DVL1: variants seen among roughly 807,000 people sequenced by gnomAD.
DVL1 encodes the protein segment polarity protein dishevelled homolog DVL-1.
In DVL1, 49 loss-of-function variants were observed where a neutral mutation model predicts 65.0. The observed-to-expected ratio is 0.75, with a 90% CI of 0.60 to 0.96. DVL1 has a LOEUF of 0.96. Among genes scored for constraint, DVL1 ranks in the 40% least tolerant of loss-of-function variants. The pLI, the probability that DVL1 is intolerant of heterozygous loss-of-function variation, is 0.00. For synonymous variants in DVL1, 608 were observed against 433.9 expected (o/e 1.40, Z -4.99); for missense variants, 1,197 against 1,045.4 (o/e 1.15, Z -2.00).
intron 4 of DVL1, 51 bp downstream of exon 4, chr1:1,342,002 G>A: frequency 2.0e-6 from 3 of 1,500,944 alleles, no homozygotes; most frequent in Non-Finnish European, 2.7e-6. Context: ...TGGCTCATGG[G>A]GGTCCCAGGG....
In DVL1 at chr1:1,336,000, G is replaced by T; in HGVS notation, c.*142C>A. 8.6e-7 allele frequency: 1 copy of T among 1,157,260 alleles called. No individual in the cohort carries two copies. The highest frequency in any genetic ancestry group is 1.2e-6 in the Non-Finnish European group (1 of 834,784). The allele number at this position is 1,157,260 out of a possible 1,614,324, so 71.7% of individuals were successfully genotyped here. On this transcript the variant is annotated 3_prime_UTR_variant, in exon 15 of 15. Transcript: ENST00000378888. ...TGTCAGGAGCTGGAGCAGCCAGGCT[G>T]CCAGGGCAGATGGTGGTGGTCCAGC...
chr1:1,339,264 G>A (rs1326523781), intron 11 of DVL1, 23 bp downstream of exon 11: 17 of 1,548,126 alleles, frequency 1.1e-5, no homozygotes, highest in South Asian at 7.1e-5. Context: ...TTTCTGCTGG[G>A]GCCCTCAGGA....
At chr1:1,337,371 G>A (rs1643613295) in intron 14 of DVL1, among the ~76,000 whole-genome samples, 2 of 152,136 alleles carry the variant, frequency 1.3e-5, no homozygotes, top group African/African-American at 4.8e-5. Context: ...CAACACCTCA[G>A]GAACACTCTG....
rs307370 is a variant in DVL1 at position 1,337,898 on chromosome 1, A to G, written c.1714+79T>C. ...TGGAGCAGCAGCGGGGTGGGGTGGA[A>G]CTGGGGGCGGAGCAGCAGTGGAGTG... On this transcript the variant is annotated intron_variant, in intron 14 of 14. Coordinates refer to ENST00000378888, the MANE Select transcript of DVL1 (RefSeq NM_001330311.2). The G allele has an allele frequency of 0.78, 883,212 of 1,128,806 alleles. 349,870 individuals are homozygous for G. The highest frequency in any genetic ancestry group is 0.82 in the Non-Finnish European group (637,882 of 775,132). The allele number at this position is 1,128,806 out of a possible 1,614,324, so 69.9% of individuals were successfully genotyped here.
chr1:1,348,518 G>A (rs553825907), intron 1 of DVL1, among the ~76,000 whole-genome samples: 3 of 152,266 alleles, frequency 2.0e-5, no homozygotes, highest in South Asian at 4.1e-4. Flanking sequence ...CCCCATCCCA[G>A]CTAGGGAACC....
chr1:1,340,649 C>G, intron 5 of DVL1, 146 bp from the exon 6 acceptor site: 1 of 806,104 alleles, frequency 1.2e-6, no homozygotes, highest in Non-Finnish European at 2.0e-6. Context: ...CGCCCCAGGC[C>G]CTGCACACGT....
intron 1 of DVL1, among the ~76,000 whole-genome samples, chr1:1,346,795 C>T (rs1643920466): frequency 6.6e-6 from 1 of 152,172 alleles, no homozygotes; most frequent in African/African-American, 2.4e-5. Context: ...GCGTCCCCAG[C>T]CTGAAGCTCC....
chr1:1,343,725 T>G (rs1196313629), intron 1 of DVL1, among the ~76,000 whole-genome samples: 1 of 152,118 alleles, frequency 6.6e-6, no homozygotes, highest in Non-Finnish European at 1.5e-5. Context: ...CGGACGGACG[T>G]AGGTGGGCTG....
chr1:1,339,479 G>A, intron 10 of DVL1, 40 bp from the exon 11 acceptor site: 1 of 1,098,668 alleles, frequency 9.1e-7, no homozygotes, highest in Non-Finnish European at 1.3e-6. Flanking sequence ...CGGACAGATG[G>A]ACAGGGTGGG....
At chr1:1,337,796 G>A (rs1296892332) in intron 14 of DVL1, 181 bp downstream of exon 14, 2 of 715,468 alleles carry the variant, frequency 2.8e-6, no homozygotes, top group Non-Finnish European at 2.5e-6. Context: ...CAGGGCCCAA[G>A]TACACAGCAG....
chr1:1,340,085 C>T lies in DVL1; in HGVS notation c.862G>A (p.Ala288Thr). Reference protein sequence around the residue: ...IYIGSIMKGGAVAADGRIEPG... With the variant: ...IYIGSIMKGGTVAADGRIEPG... ...TCGATGCGGCCGTCAGCGGCCACAGCCCCGCCCTTCATGATGGAGCCAATG... is the reference window on the plus strand; with the variant it reads ...TCGATGCGGCCGTCAGCGGCCACAGTCCCGCCCTTCATGATGGAGCCAATG... Residue 288 changes from alanine to threonine, a missense_variant, in exon 8 of 15, where the codon GCT becomes ACT. Ala to Thr is a moderately conservative substitution (Grantham distance 58). Coordinates refer to ENST00000378888, the MANE Select transcript of DVL1 (RefSeq NM_001330311.2). 17 of 1,613,300 alleles carry T rather than the reference C, an allele frequency of 1.1e-5. 1 individual carries two copies. Among genetic ancestry groups the T allele is most frequent in the South Asian group, 2.2e-5 (2 of 91,084 alleles).
rs759091815 is a variant in DVL1 at position 1,339,585 on chromosome 1, G to A, written c.1051C>T (p.Arg351Trp). 64 of 1,604,470 alleles carry A rather than the reference G, an allele frequency of 4.0e-5. No homozygotes were observed. Among genetic ancestry groups the A allele is most frequent in the Non-Finnish European group, 5.2e-5 (61 of 1,175,094 alleles). Residue 351 changes from arginine to tryptophan, a missense_variant, in exon 10 of 15, where the codon CGG becomes TGG. Coordinates refer to ENST00000378888, the MANE Select transcript of DVL1 (RefSeq NM_001330311.2). ...GTGTGCCCCGAGGGCCACTCACCCC[G>A]TGGGACGGTGAAGTAGCTTCGGGGC... is the stretch of plus-strand genomic sequence containing the variant. Reference protein sequence around the residue: ...PTPRSYFTVPRADPVRPIDPA... With the variant: ...PTPRSYFTVPWADPVRPIDPA...
chr1:1,340,811 G>GCACACACCTGCA (rs200862897), intron 5 of DVL1, among the ~76,000 whole-genome samples: 8 of 141,044 alleles, frequency 5.7e-5, no homozygotes, highest in Admixed American at 1.4e-4. Context: ...AGGCACACAT[G>GCACACACCTGCA]CACACACCTG....
intron 1 of DVL1, among the ~76,000 whole-genome samples, chr1:1,348,331 G>A (rs925501347): frequency 6.6e-6 from 1 of 152,206 alleles, no homozygotes; most frequent in South Asian, 2.1e-4. Flanking sequence ...TGGGGACGGG[G>A]CCCACAGGAA....
intron 11 of DVL1, 118 bp from the exon 12 acceptor site, chr1:1,338,771 G>C: frequency 6.9e-7 from 1 of 1,444,106 alleles, no homozygotes; most frequent in Non-Finnish European, 9.1e-7. Context: ...GCTGGACGGT[G>C]CGTGACAGCA....
intron 5 of DVL1, among the ~76,000 whole-genome samples, chr1:1,340,809 ATGCACACACCTGCACACACACC>A (rs1444316343): frequency 7.8e-6 from 1 of 127,992 alleles, no homozygotes; most frequent in African/African-American, 3.1e-5. Flanking sequence ...CAAGGCACAC[ATGCACACACCTGCACACACACC>A]TGCACACACG....
intron 8 of DVL1, 34 bp from the exon 9 acceptor site, chr1:1,339,846 G>T (rs1467522951): frequency 6.6e-7 from 1 of 1,516,856 alleles, no homozygotes; most frequent in Non-Finnish European, 8.8e-7. Context: ...GTGCAGGCAG[G>T]ATGTGCAGCT....
In DVL1 at chr1:1,348,878, G is replaced by A. The variant is rs774298080; in HGVS notation, c.170+18C>T. 3 of 1,519,794 alleles carry A rather than the reference G, an allele frequency of 2.0e-6. No homozygotes were observed. The highest frequency in any genetic ancestry group is 2.7e-6 in the Non-Finnish European group (3 of 1,130,394). The allele number at this position is 1,519,794 out of a possible 1,614,324, so 94.1% of individuals were successfully genotyped here. On this transcript the variant is annotated intron_variant, in intron 1 of 14. Coordinates refer to ENST00000378888, the MANE Select transcript of DVL1 (RefSeq NM_001330311.2). ...CCGAGCCCGCGCCAGGCTCGCGCAG[G>A]CCTCGCGGCCGACTGACCCGAAGTC...
At position 1,342,378 on chromosome 1, in the gene DVL1, C is replaced by T. The variant is rs1375565508; in HGVS notation, c.347G>A (p.Arg116Gln). Reference sequence around the variant, plus strand: ...GTGTCCTTACTGGAAGGAGGGGGGCCGGGAGTCCCCGATGCCGCCTGTCCG... The same window carrying T: ...GTGTCCTTACTGGAAGGAGGGGGGCTGGGAGTCCCCGATGCCGCCTGTCCG... ...LERTGGIGDS[R>Q]PPSFHPNVAS... Residue 116 changes from arginine (R) to glutamine (Q), a missense_variant, in exon 3 of 15, where the codon CGG becomes CAG. Physicochemically the swap from Arg to Gln is conservative, Grantham distance 43. Coordinates refer to ENST00000378888, the MANE Select transcript of DVL1 (RefSeq NM_001330311.2). The T allele has an allele frequency of 7.0e-6, 11 of 1,581,030 alleles. No homozygotes were observed. Among genetic ancestry groups the T allele is most frequent in the African/African-American group, 1.3e-5 (1 of 74,346 alleles).
Sources: allele counts gnomAD v4.1 joint callset (sites outside exome capture counted in the v4.1 genomes callset), GRCh38; gene constraint gnomAD v4.1.1; transcripts MANE v1.5; gene names NCBI Gene and HGNC (gene_info 2026-07-23, HGNC 2026-07-21).